The following RBFOX1 variants were observed in gnomAD, a reference collection of about 807,000 sequenced individuals.
RBFOX1 encodes the protein RNA binding fox-1 homolog 1, also known as RNA binding protein fox-1 homolog 1.
Under a neutral mutation model 57.7 loss-of-function variants are expected in RBFOX1, and 8 were observed. That is an observed-to-expected ratio of 0.14 (90% CI 0.08 to 0.25). The LOEUF is 0.25. RBFOX1 is among the 10% of genes least tolerant of loss of function. RBFOX1 has a pLI of 1.00. For missense variants in RBFOX1, 611 were observed against 548.5 expected (o/e 1.11, Z -1.14); for synonymous variants, 326 against 222.4 (o/e 1.47, Z -4.15).
chr16:7,006,385 C>T (rs537319280), intron 3 of RBFOX1, among the ~76,000 whole-genome samples: 1 of 152,202 alleles, frequency 6.6e-6, no homozygotes, highest in African/African-American at 2.4e-5. Context: ...GATTTTCTGA[C>T]CTTGTGATCC....
chr16:5,612,515 C>T (rs2047861688), intron 3 of RBFOX1, among the ~76,000 whole-genome samples: 1 of 152,230 alleles, frequency 6.6e-6, no homozygotes, highest in East Asian at 1.9e-4. Context: ...AAGAAAAGTG[C>T]TTCACAAGGT....
chr16:7,087,347 A>C (rs1203593102), intron 4 of RBFOX1, among the ~76,000 whole-genome samples: 2 of 152,160 alleles, frequency 1.3e-5, no homozygotes, highest in African/African-American at 4.8e-5. Context: ...ACCCGCCATC[A>C]GGAAATGGTG....
intron 5 of RBFOX1, among the ~76,000 whole-genome samples, chr16:7,542,004 G>A (rs1374823460): frequency 6.6e-6 from 1 of 152,194 alleles, no homozygotes; most frequent in Non-Finnish European, 1.5e-5. Flanking sequence ...CGGCAGCTGA[G>A]GTTTTCCTTC....
chr16:5,602,222 G>A (rs1410383116), downstream of RBFOX1, among the ~76,000 whole-genome samples: 2 of 152,234 alleles, frequency 1.3e-5, no homozygotes, highest in Non-Finnish European at 2.9e-5. Flanking sequence ...GACCATCTCT[G>A]GATGGCAGAT....
intron 3 of RBFOX1, among the ~76,000 whole-genome samples, chr16:6,698,438 C>T (rs891865349): frequency 6.6e-6 from 1 of 152,136 alleles, no homozygotes; most frequent in Admixed American, 6.5e-5. Context: ...GTGAAGTTCT[C>T]CTGTGGCCGC....
intron 2 of RBFOX1, among the ~76,000 whole-genome samples, chr16:6,386,909 G>A (rs2092323345): frequency 6.6e-6 from 1 of 152,176 alleles, no homozygotes; most frequent in Admixed American, 6.5e-5. Flanking sequence ...ATTGTTTGAG[G>A]AATTGTGGAA....
At chr16:6,813,837 C>T (rs2089393295) in intron 3 of RBFOX1, among the ~76,000 whole-genome samples, 1 of 151,880 alleles carries the variant, frequency 6.6e-6, no homozygotes. Flanking sequence ...TGTTGATACC[C>T]CCAACCCCTC....
At chr16:5,712,145 G>T (rs34057948) in intron 3 of RBFOX1, among the ~76,000 whole-genome samples, 10 of 152,008 alleles carry the variant, frequency 6.6e-5, no homozygotes, top group Admixed American at 6.5e-4. Context: ...TCTCTATCAT[G>T]AGAGCAGCAT....
intron 3 of RBFOX1, among the ~76,000 whole-genome samples, chr16:5,764,372 A>T (rs528559506): frequency 6.6e-6 from 1 of 152,244 alleles, no homozygotes; most frequent in African/African-American, 2.4e-5. Flanking sequence ...CCAGAAGCTG[A>T]GTAGATGCCA....
At chr16:6,921,220 C>A (rs1026936484) in intron 3 of RBFOX1, among the ~76,000 whole-genome samples, 1 of 152,184 alleles carries the variant, frequency 6.6e-6, no homozygotes, top group African/African-American at 2.4e-5. Flanking sequence ...TACCCACACA[C>A]ATTTAGCAAT....
At chr16:7,172,516 T>A (rs2080896611) in intron 4 of RBFOX1, among the ~76,000 whole-genome samples, 1 of 152,218 alleles carries the variant, frequency 6.6e-6, no homozygotes, top group African/African-American at 2.4e-5. Flanking sequence ...TGCTACCTTC[T>A]GCAAATTAGC....
intron 2 of RBFOX1, among the ~76,000 whole-genome samples, chr16:6,609,608 G>C (rs1260050659): frequency 6.6e-6 from 1 of 152,072 alleles, no homozygotes; most frequent in African/African-American, 2.4e-5. Flanking sequence ...AAAAAAATTT[G>C]TTTATTTCTT....
At chr16:5,553,764 TG>T (rs1159424019) in intron 2 of RBFOX1, among the ~76,000 whole-genome samples, 4 of 151,686 alleles carry the variant, frequency 2.6e-5, no homozygotes, top group Non-Finnish European at 4.4e-5. Context: ...TATATACATG[TG>T]AAACCTCATA....
intron 4 of RBFOX1, among the ~76,000 whole-genome samples, chr16:5,888,018 A>G (rs145052514): frequency 2.3e-4 from 35 of 152,310 alleles, no homozygotes; most frequent in African/African-American, 8.2e-4. Flanking sequence ...CTGTCTTCCT[A>G]TAAGACTGCA....
intron 4 of RBFOX1, among the ~76,000 whole-genome samples, chr16:5,958,726 G>A (rs529485457): frequency 6.6e-6 from 1 of 152,284 alleles, no homozygotes; most frequent in Non-Finnish European, 1.5e-5. Flanking sequence ...GGTTTCTACT[G>A]GCAGCTCCAG....
intron 1 of RBFOX1, among the ~76,000 whole-genome samples, chr16:6,281,922 G>A (rs1424954488): frequency 6.6e-6 from 1 of 152,152 alleles, no homozygotes; most frequent in African/African-American, 2.4e-5. Flanking sequence ...GAGTTGAATA[G>A]AGAGAAAAGT....
chr16:6,916,017 A>G (rs1369072481), intron 3 of RBFOX1, among the ~76,000 whole-genome samples: 2 of 151,996 alleles, frequency 1.3e-5, no homozygotes, highest in Admixed American at 6.6e-5. Context: ...AAACTTAAAG[A>G]CAGCTGTCTT....
At chr16:6,575,510 A>T (rs2097419989) in intron 2 of RBFOX1, among the ~76,000 whole-genome samples, 1 of 152,144 alleles carries the variant, frequency 6.6e-6, no homozygotes, top group African/African-American at 2.4e-5. Context: ...AAGACCCAAA[A>T]CACTTCTAAA....
At chr16:7,369,823 C>G (rs931888345) in intron 4 of RBFOX1, among the ~76,000 whole-genome samples, 2 of 152,126 alleles carry the variant, frequency 1.3e-5, no homozygotes, top group African/African-American at 4.8e-5. Context: ...CCCATTAATT[C>G]TGGGACAAGT....
Sources: gnomAD v4.1 joint callset for allele counts (sites outside exome capture counted in the v4.1 genomes callset) on GRCh38, gnomAD v4.1.1 for gene constraint, MANE v1.5 for transcripts, NCBI Gene and HGNC (gene_info 2026-07-23, HGNC 2026-07-21) for gene names.